Variants in STK32A observed in about 807,000 individuals in gnomAD.
STK32A encodes serine/threonine kinase 32A, also known as serine/threonine-protein kinase 32A.
A neutral mutation model predicts 53.2 loss-of-function variants in STK32A; 41 were observed. That is an observed-to-expected ratio of 0.77 (90% confidence interval 0.60 to 1.00). STK32A has a LOEUF of 1.00. Among genes scored for constraint, STK32A ranks in the 50% least tolerant of loss-of-function variants. The pLI is 0.00. For synonymous variants in STK32A, 166 were observed against 162.8 expected, an observed-to-expected ratio of 1.02 and a Z score of -0.15; for missense variants, 458 against 485.8, an observed-to-expected ratio of 0.94 and a Z score of 0.54.
intron 2 of STK32A, among the ~76,000 whole-genome samples, chr5:147,247,493 C>T (rs1753809844): frequency 6.6e-6 from 1 of 152,186 alleles, no homozygotes; most frequent in Non-Finnish European, 1.5e-5. Context: ...TTTCTGGAGG[C>T]ATATTTATAG....
At chr5:147,310,669 T>A (rs1275445554) in intron 4 of STK32A, among the ~76,000 whole-genome samples, 1 of 152,210 alleles carries the variant, frequency 6.6e-6, no homozygotes, top group Non-Finnish European at 1.5e-5. Context: ...CTTCTAACAT[T>A]TATTTTTCTT....
chr5:147,399,248 G>A, the STK32A span: 9 of 1,613,708 alleles, frequency 5.6e-6, no homozygotes, highest in Non-Finnish European at 7.6e-6. Flanking sequence ...CATTTTCCCT[G>A]TGGCCTATTG....
At chr5:147,252,932 A>G (rs1029339952) in intron 2 of STK32A, among the ~76,000 whole-genome samples, 2 of 152,166 alleles carry the variant, frequency 1.3e-5, no homozygotes. Flanking sequence ...TGCATTAATG[A>G]TCTATTTTTA....
Position 147,355,448 on chromosome 5 carries a change from C to G in STK32A, c.562+4294C>G, listed in dbSNP as rs141123699. Reference sequence around the variant, plus strand: ...CAGCACTTTGGGAGGCCGAGGCGGGCAGATCACAAGGTCAGGAAATCGAGA... The same window carrying G: ...CAGCACTTTGGGAGGCCGAGGCGGGGAGATCACAAGGTCAGGAAATCGAGA... On this transcript the variant is annotated intron_variant, in intron 7 of 12. Coordinates refer to ENST00000397936, the MANE Select transcript of STK32A (RefSeq NM_001112724.2). Among the ~76,000 whole-genome samples the G allele has an allele frequency of 9.7e-3, 1,472 of 151,982 alleles. 25 individuals carry two copies. The highest frequency in any genetic ancestry group is 0.033 in the African/African-American group (1,378 of 41,450).
intron 6 of STK32A, 23 bp from the exon 7 acceptor site, chr5:147,351,042 G>A (rs767676127): frequency 1.9e-6 from 3 of 1,607,762 alleles, no homozygotes; most frequent in Non-Finnish European, 2.6e-6. Context: ...TTAACTTTCT[G>A]TGTGGTTCTT....
chr5:147,363,111 C>CAAAA (rs1554108678), intron 8 of STK32A, among the ~76,000 whole-genome samples: 79 of 124,128 alleles, frequency 6.4e-4, no homozygotes, highest in African/African-American at 2.6e-3. Context: ...AAAAAACAAA[C>CAAAA]AAACAAAAAA....
intron 5 of STK32A, among the ~76,000 whole-genome samples, chr5:147,325,392 G>T (rs1754529979): frequency 6.6e-6 from 1 of 151,808 alleles, no homozygotes; most frequent in South Asian, 2.1e-4. Context: ...GCCTCAAGTT[G>T]TCCTCCTGCC....
At chr5:147,313,333 C>T (rs963828863) in intron 4 of STK32A, among the ~76,000 whole-genome samples, 9 of 152,130 alleles carry the variant, frequency 5.9e-5, no homozygotes, top group Admixed American at 2.6e-4. Flanking sequence ...GGGAAACAAC[C>T]TGAATATTCA....
chr5:147,359,679 C>G (rs186356074), intron 7 of STK32A, among the ~76,000 whole-genome samples: 1 of 152,100 alleles, frequency 6.6e-6, no homozygotes, highest in African/African-American at 2.4e-5. Context: ...TATAGTCCAT[C>G]CTGTCTGTGG....
intron 2 of STK32A, among the ~76,000 whole-genome samples, chr5:147,268,475 T>C (rs1754901723): frequency 6.6e-6 from 1 of 152,194 alleles, no homozygotes; most frequent in South Asian, 2.1e-4. Flanking sequence ...AAAAATTAAA[T>C]TATCAGAAGG....
At chr5:147,353,353 T>C (rs1167826732) in intron 7 of STK32A, among the ~76,000 whole-genome samples, 2 of 152,010 alleles carry the variant, frequency 1.3e-5, no homozygotes, top group Admixed American at 6.6e-5. Context: ...AATAAGCAAA[T>C]AGGACTAAAA....
chr5:147,338,691 T>A (rs1755258652), intron 5 of STK32A, among the ~76,000 whole-genome samples: 1 of 152,188 alleles, frequency 6.6e-6, no homozygotes, highest in Non-Finnish European at 1.5e-5. Context: ...CATGTGGAGA[T>A]AAGGAACTTA....
At chr5:147,322,948 G>C (rs921561573) in intron 4 of STK32A, among the ~76,000 whole-genome samples, 2 of 152,142 alleles carry the variant, frequency 1.3e-5, no homozygotes, top group Non-Finnish European at 2.9e-5. Context: ...GCCTTCTCCA[G>C]ACACAAGTTT....
At chr5:147,367,045 G>C (rs1175297204) in intron 8 of STK32A, among the ~76,000 whole-genome samples, 1 of 151,674 alleles carries the variant, frequency 6.6e-6, no homozygotes, top group Non-Finnish European at 1.5e-5. Context: ...TCTTATATAG[G>C]TTAGTATTAT....
chr5:147,254,714 G>C (rs900298613), intron 2 of STK32A, among the ~76,000 whole-genome samples: 1 of 152,160 alleles, frequency 6.6e-6, no homozygotes, highest in Non-Finnish European at 1.5e-5. Flanking sequence ...GAGAATGACG[G>C]GGTGAGGGCT....
intron 5 of STK32A, among the ~76,000 whole-genome samples, chr5:147,331,376 C>G (rs1314578006): frequency 6.6e-6 from 1 of 152,132 alleles, no homozygotes. Flanking sequence ...TGCCAATATA[C>G]AGTCAGTATA....
intron 2 of STK32A, among the ~76,000 whole-genome samples, chr5:147,272,159 G>A (rs979852308): frequency 2.6e-5 from 4 of 152,088 alleles, no homozygotes; most frequent in Non-Finnish European, 5.9e-5. Flanking sequence ...GACTATCAGG[G>A]GCAGGTTCCC....
intron 4 of STK32A, among the ~76,000 whole-genome samples, chr5:147,282,402 C>G (rs1752107579): frequency 6.6e-6 from 1 of 152,022 alleles, no homozygotes; most frequent in Non-Finnish European, 1.5e-5. Context: ...AGTACACAGG[C>G]AACAAAGAGC....
At chr5:147,354,173 G>A (rs1756117311) in intron 7 of STK32A, among the ~76,000 whole-genome samples, 1 of 152,058 alleles carries the variant, frequency 6.6e-6, no homozygotes, top group South Asian at 2.1e-4. Flanking sequence ...AATCTCTTTT[G>A]TCACTTCTAA....
Sources: allele counts gnomAD v4.1 joint callset (sites outside exome capture counted in the v4.1 genomes callset), GRCh38; gene constraint gnomAD v4.1.1; transcripts MANE v1.5; gene names NCBI Gene and HGNC (gene_info 2026-07-23, HGNC 2026-07-21).